BORCS5: variants seen among roughly 807,000 people sequenced by gnomAD.
BORCS5 encodes the protein BLOC-1 related complex subunit 5, also known as BLOC-1-related complex subunit 5.
A neutral mutation model predicts 22.1 loss-of-function variants in BORCS5; 17 were observed. The ratio of observed to expected loss-of-function variants is 0.77; its 90% CI spans 0.53 to 1.15. The LOEUF is 1.15. Ranked by LOEUF, BORCS5 falls within the 50% of genes most tolerant of loss-of-function variation. The probability of loss-of-function intolerance (pLI) is 0.00; values close to 1 mark genes in which losing one functional copy is unlikely to be tolerated. For missense variants in BORCS5, 247 were observed against 253.2 expected, an observed-to-expected ratio of 0.98 and a Z score of 0.17; for synonymous variants, 117 against 99.8, an observed-to-expected ratio of 1.17 and a Z score of -1.03.
intron 3 of BORCS5, among the ~76,000 whole-genome samples, chr12:12,441,748 T>C (rs1462599722): frequency 1.3e-5 from 2 of 152,158 alleles, no homozygotes; most frequent in Non-Finnish European, 2.9e-5. Context: ...CCACTGTGGT[T>C]TCCTTCAAAC....
At chr12:12,365,151 T>C (rs1486920615) in intron 2 of BORCS5, among the ~76,000 whole-genome samples, 1 of 152,044 alleles carries the variant, frequency 6.6e-6, no homozygotes, top group Non-Finnish European at 1.5e-5. Context: ...ACATTGAGAA[T>C]AGGTGAGGAA....
chr12:12,438,369 A>AAAAAAAAAAAAC (rs1942602201), intron 3 of BORCS5, among the ~76,000 whole-genome samples: 2 of 129,388 alleles, frequency 1.5e-5, no homozygotes, highest in Non-Finnish European at 3.1e-5. Context: ...TCAAAAAAAA[A>AAAAAAAAAAAAC]AAAAAAAAAA....
intron 2 of BORCS5, among the ~76,000 whole-genome samples, chr12:12,416,515 C>G (rs1054723368): frequency 6.6e-6 from 1 of 152,018 alleles, no homozygotes; most frequent in Admixed American, 6.6e-5. Context: ...GCAATCATAG[C>G]TCATTGTAGC....
chr12:12,462,462 G>A (rs913081017), intron 3 of BORCS5, among the ~76,000 whole-genome samples: 3 of 152,070 alleles, frequency 2.0e-5, no homozygotes, highest in African/African-American at 7.2e-5. Flanking sequence ...ATAGATACTG[G>A]GTCGAGGGTA....
chr12:12,363,399 A>G lies in BORCS5; in HGVS notation c.202+2050A>G, dbSNP rs535200969. 3.3e-5 allele frequency among the ~76,000 whole-genome samples: 5 copies of G among 152,256 alleles called. No individual in the cohort carries two copies. The South Asian group carries it at 1.0e-3, about 32-fold the overall frequency. On this transcript the variant is annotated intron_variant, in intron 2 of 3. Coordinates refer to ENST00000314565, the MANE Select transcript of BORCS5 (RefSeq NM_058169.6). ...TGGATCACCTGAGGTTAGGAGATCAATACCAGCCTGGCCAACATGGTGAAA... is the reference window on the plus strand; with the variant it reads ...TGGATCACCTGAGGTTAGGAGATCAGTACCAGCCTGGCCAACATGGTGAAA...
intron 3 of BORCS5, among the ~76,000 whole-genome samples, chr12:12,441,642 T>G (rs1942684579): frequency 6.6e-6 from 1 of 152,070 alleles, no homozygotes; most frequent in Non-Finnish European, 1.5e-5. Flanking sequence ...CCAGCAGCTG[T>G]CTAAATATTG....
At chr12:12,401,863 C>T (rs1440248194) in intron 2 of BORCS5, among the ~76,000 whole-genome samples, 1 of 151,790 alleles carries the variant, frequency 6.6e-6, no homozygotes, top group Non-Finnish European at 1.5e-5. Flanking sequence ...TCGAGACCAT[C>T]CTGGTTAACA....
At position 12,468,933 on chromosome 12, in the gene BORCS5, G is replaced by A. The variant is rs866072019; in HGVS notation, c.*3157G>A. On this transcript the variant is annotated 3_prime_UTR_variant, in exon 4 of 4. Coordinates refer to ENST00000314565, the MANE Select transcript of BORCS5 (RefSeq NM_058169.6). ...ATATATAGTTTCCTGTGTCTTAGAT[G>A]ATAACATCCTTAAAATATGAAATAT... is the stretch of plus-strand genomic sequence containing the variant. 2.0e-5 allele frequency: 3 copies of A among 152,248 alleles called. No individual in the cohort carries two copies. The highest frequency in any genetic ancestry group is 4.1e-4 in the South Asian group (2 of 4,822). 9.4% of individuals were successfully genotyped at this position (152,248 alleles called of 1,614,324 possible).
intron 3 of BORCS5, among the ~76,000 whole-genome samples, chr12:12,459,986 T>A (rs1184568838): frequency 6.6e-6 from 1 of 152,242 alleles, no homozygotes; most frequent in Non-Finnish European, 1.5e-5. Flanking sequence ...CTTCAAACTT[T>A]GTTCTTTCAA....
At chr12:12,454,838 G>A (rs566018987) in intron 3 of BORCS5, among the ~76,000 whole-genome samples, 8 of 152,270 alleles carry the variant, frequency 5.3e-5, no homozygotes, top group South Asian at 4.1e-4. Flanking sequence ...GAGGTAGGAT[G>A]AATATTAGCC....
intron 2 of BORCS5, among the ~76,000 whole-genome samples, chr12:12,365,622 T>G (rs1219366259): frequency 6.8e-6 from 1 of 147,412 alleles, no homozygotes; most frequent in Non-Finnish European, 1.5e-5. Flanking sequence ...CCAGTGAGCA[T>G]TGAAGGTGAT....
intron 2 of BORCS5, among the ~76,000 whole-genome samples, chr12:12,390,015 T>G (rs1034874209): frequency 1.3e-5 from 2 of 152,136 alleles, no homozygotes; most frequent in African/African-American, 4.8e-5. Context: ...CGGACTGTTT[T>G]CTTTGCTTTC....
At chr12:12,416,802 G>A (rs1404824555) in intron 2 of BORCS5, among the ~76,000 whole-genome samples, 1 of 116,722 alleles carries the variant, frequency 8.6e-6, no homozygotes, top group Non-Finnish European at 1.8e-5. Flanking sequence ...TTTTTTTTGA[G>A]ATGGAGTCTT....
At chr12:12,420,329 C>A (rs1010142878) in intron 2 of BORCS5, among the ~76,000 whole-genome samples, 2 of 152,142 alleles carry the variant, frequency 1.3e-5, no homozygotes, top group Non-Finnish European at 2.9e-5. Context: ...TTGTTTTTAT[C>A]AGGTTTGTCA....
Position 12,414,201 on chromosome 12 carries a change from C to G in BORCS5, c.203-21427C>G, listed in dbSNP as rs1390463916. Among the ~76,000 whole-genome samples the G allele has an allele frequency of 2.8e-4, 26 of 92,818 alleles. 1 individual carries two copies. The highest frequency in any genetic ancestry group is 9.5e-5 in the Admixed American group (1 of 10,564). The allele number at this position is 92,818 out of a possible 152,430, so 60.9% of individuals were successfully genotyped here. On this transcript the variant is annotated intron_variant, in intron 2 of 3. Coordinates refer to ENST00000314565, the MANE Select transcript of BORCS5 (RefSeq NM_058169.6). The stretch of plus-strand genomic sequence containing the variant: ...CTCCCGGATGGGGCGGCTGGCCAGG[C>G]GGGGGGCTGACCCCCCCACCTCCCT...
At chr12:12,385,978 A>G (rs373487346) in intron 2 of BORCS5, among the ~76,000 whole-genome samples, 23 of 151,168 alleles carry the variant, frequency 1.5e-4, no homozygotes, top group African/African-American at 4.9e-4. Flanking sequence ...GGATTTATCA[A>G]GAAGTCCCAC....
At chr12:12,397,247 G>A (rs889939913) in intron 2 of BORCS5, among the ~76,000 whole-genome samples, 3 of 152,094 alleles carry the variant, frequency 2.0e-5, no homozygotes, top group Admixed American at 1.3e-4. Flanking sequence ...GTATTTCTAG[G>A]TGCGTTGGAT....
intron 1 of BORCS5, among the ~76,000 whole-genome samples, chr12:12,359,270 G>T (rs1863220295): frequency 4.6e-5 from 7 of 152,124 alleles, no homozygotes; most frequent in Admixed American, 3.9e-4. Flanking sequence ...TTAAGAGTGA[G>T]GGGGCTGTAG....
intron 3 of BORCS5, among the ~76,000 whole-genome samples, chr12:12,459,398 C>T (rs935883450): frequency 1.3e-5 from 2 of 150,618 alleles, no homozygotes; most frequent in African/African-American, 4.9e-5. Context: ...GCAACCTCTA[C>T]CTTCCAGGTT....
Sources: gnomAD v4.1 joint callset for allele counts (sites outside exome capture counted in the v4.1 genomes callset) on GRCh38, gnomAD v4.1.1 for gene constraint, MANE v1.5 for transcripts, NCBI Gene and HGNC (gene_info 2026-07-23, HGNC 2026-07-21) for gene names.